The following TRAPPC9 variants were observed in gnomAD, a reference collection of about 807,000 sequenced individuals.
The protein encoded by TRAPPC9 is trafficking protein particle complex subunit 9, also known as IKK2 binding protein.
Under a neutral mutation model 124.0 loss-of-function variants are expected in TRAPPC9, and 83 were observed. That is an observed-to-expected ratio of 0.67 (90% CI 0.56 to 0.80). The LOEUF is 0.80. Among genes scored for constraint, TRAPPC9 ranks in the 30% least tolerant of loss-of-function variants. The pLI is 0.00. For missense variants in TRAPPC9, 1,302 were observed against 1,508.3 expected, an observed-to-expected ratio of 0.86 and a Z score of 2.27; for synonymous variants, 638 against 617.5, an observed-to-expected ratio of 1.03 and a Z score of -0.49.
intron 17 of TRAPPC9, among the ~76,000 whole-genome samples, chr8:140,128,611 C>T (rs1039657487): frequency 2.6e-5 from 4 of 152,352 alleles, no homozygotes; most frequent in South Asian, 2.1e-4. Context: ...GCTCCTTGTA[C>T]GGCAGATCCT....
At chr8:140,211,045 C>T (rs1256571330) in intron 17 of TRAPPC9, among the ~76,000 whole-genome samples, 5 of 150,906 alleles carry the variant, frequency 3.3e-5, no homozygotes, top group African/African-American at 2.4e-5. Context: ...AATACATTTG[C>T]TCCTAAGTTG....
chr8:140,135,755 G>A (rs1365324580), intron 17 of TRAPPC9, among the ~76,000 whole-genome samples: 1 of 152,188 alleles, frequency 6.6e-6, no homozygotes, highest in Admixed American at 6.5e-5. Flanking sequence ...CCACTGGCTT[G>A]CACATGTGAA....
chr8:140,261,981 G>A (rs1239316681), intron 15 of TRAPPC9, among the ~76,000 whole-genome samples: 3 of 152,192 alleles, frequency 2.0e-5, no homozygotes, highest in African/African-American at 7.2e-5. Context: ...GCTCTATGGA[G>A]TACTCCCGTA....
chr8:140,051,557 C>CAGGAAAACAT (rs1842001769), intron 17 of TRAPPC9, among the ~76,000 whole-genome samples: 1 of 145,322 alleles, frequency 6.9e-6, no homozygotes, highest in Admixed American at 6.9e-5. Context: ...GGCACCCACA[C>CAGGAAAACAT]AGGAAAACAT....
intron 17 of TRAPPC9, among the ~76,000 whole-genome samples, chr8:140,194,590 C>T (rs141579159): frequency 6.6e-6 from 1 of 152,278 alleles, no homozygotes; most frequent in East Asian, 1.9e-4. Context: ...GTAACTGAGG[C>T]TCCTGAAATA....
chr8:140,000,644 C>T (rs1418358696), intron 18 of TRAPPC9, among the ~76,000 whole-genome samples: 1 of 152,242 alleles, frequency 6.6e-6, no homozygotes, highest in Non-Finnish European at 1.5e-5. Flanking sequence ...CTCACCATCA[C>T]TGGTCATCAG....
intron 21 of TRAPPC9, among the ~76,000 whole-genome samples, chr8:139,806,960 G>A (rs1373905152): frequency 6.6e-6 from 1 of 152,226 alleles, no homozygotes; most frequent in Non-Finnish European, 1.5e-5. Flanking sequence ...TCGGCCACAG[G>A]CCAGGAAGGC....
intron 21 of TRAPPC9, among the ~76,000 whole-genome samples, chr8:139,783,212 A>G (rs1429833852): frequency 6.6e-6 from 1 of 152,164 alleles, no homozygotes; most frequent in Non-Finnish European, 1.5e-5. Flanking sequence ...TAACAAACAG[A>G]AAATCAATAG....
intron 17 of TRAPPC9, among the ~76,000 whole-genome samples, chr8:140,196,049 T>G (rs55688861): frequency 2.0e-5 from 2 of 99,746 alleles, no homozygotes; most frequent in Admixed American, 1.1e-4. Context: ...CTAAAACACA[T>G]TGAACAATTC....
At chr8:140,086,868 G>C (rs1844216666) in intron 17 of TRAPPC9, among the ~76,000 whole-genome samples, 1 of 152,070 alleles carries the variant, frequency 6.6e-6, no homozygotes, top group Non-Finnish European at 1.5e-5. Context: ...GGTGGCAGCA[G>C]TTGCAGTGAG....
At chr8:140,415,222 G>GAAAATA (rs998519396) in intron 5 of TRAPPC9, among the ~76,000 whole-genome samples, 1 of 150,276 alleles carries the variant, frequency 6.7e-6, no homozygotes, top group African/African-American at 2.5e-5. Flanking sequence ...ATAAGAAGAA[G>GAAAATA]AAAATAAAAA....
At chr8:140,229,245 C>G (rs372488594) in intron 16 of TRAPPC9, among the ~76,000 whole-genome samples, 3 of 90,792 alleles carry the variant, frequency 3.3e-5, no homozygotes, top group African/African-American at 5.0e-5. Flanking sequence ...CGTATGTTTT[C>G]TTTTTCTTTT....
chr8:140,350,698 G>T (rs1484258867), intron 9 of TRAPPC9, among the ~76,000 whole-genome samples: 1 of 152,122 alleles, frequency 6.6e-6, no homozygotes, highest in Non-Finnish European at 1.5e-5. Context: ...GATCGCCCAG[G>T]AACAGGCATG....
chr8:140,364,906 T>G (rs889246433), intron 8 of TRAPPC9, among the ~76,000 whole-genome samples: 1 of 151,502 alleles, frequency 6.6e-6, no homozygotes, highest in Non-Finnish European at 1.5e-5. Context: ...TCCTACAAGT[T>G]TTAGGGCTTG....
At chr8:140,275,101 G>A (rs1315531824) in intron 15 of TRAPPC9, among the ~76,000 whole-genome samples, 1 of 151,976 alleles carries the variant, frequency 6.6e-6, no homozygotes, top group Non-Finnish European at 1.5e-5. Flanking sequence ...TGCCAAACAC[G>A]ACCTCCCTAG....
chr8:140,155,590 G>A (rs529882378), intron 17 of TRAPPC9, among the ~76,000 whole-genome samples: 16 of 152,126 alleles, frequency 1.1e-4, no homozygotes, highest in African/African-American at 3.6e-4. Flanking sequence ...TCCAACCCTC[G>A]GGCTCTAAGA....
At chr8:140,213,028 C>T (rs568308043) in intron 17 of TRAPPC9, among the ~76,000 whole-genome samples, 1 of 150,702 alleles carries the variant, frequency 6.6e-6, no homozygotes, top group South Asian at 2.1e-4. Context: ...AAGATCGTGC[C>T]ACTGCACCAC....
chr8:139,960,404 C>T lies in TRAPPC9; in HGVS notation c.2810+28322G>A, dbSNP rs904159393. ...GAAGATTCAGCCTGGCCCTGAGCCCCGACACCCCGTGTTCCAGAGCCCTCT... is the reference window on the plus strand; with the variant it reads ...GAAGATTCAGCCTGGCCCTGAGCCCTGACACCCCGTGTTCCAGAGCCCTCT... On this transcript the variant is annotated intron_variant, in intron 19 of 22. Coordinates refer to ENST00000438773, the MANE Select transcript of TRAPPC9 (RefSeq NM_001160372.4). Among the ~76,000 whole-genome samples the T allele has an allele frequency of 5.9e-5, 9 of 152,288 alleles. No individual in the cohort carries two copies. In the South Asian group the frequency reaches 6.2e-4, roughly 11 times the overall value.
At chr8:140,161,180 C>T (rs2061745424) in intron 17 of TRAPPC9, among the ~76,000 whole-genome samples, 1 of 152,192 alleles carries the variant, frequency 6.6e-6, no homozygotes, top group Non-Finnish European at 1.5e-5. Context: ...ACATCACCTG[C>T]AGGCATTTGC....
Sources: gnomAD v4.1 joint callset for allele counts (sites outside exome capture counted in the v4.1 genomes callset) on GRCh38, gnomAD v4.1.1 for gene constraint, MANE v1.5 for transcripts, NCBI Gene and HGNC (gene_info 2026-07-23, HGNC 2026-07-21) for gene names.